Variants in FOXP1 observed in about 807,000 individuals in gnomAD.
FOXP1 encodes forkhead box protein P1.
A neutral mutation model predicts 98.2 loss-of-function variants in FOXP1; 15 were observed. That is an observed-to-expected ratio of 0.15 (90% CI 0.10 to 0.24). The LOEUF (loss-of-function observed/expected upper bound fraction) is 0.24. Ranked by LOEUF, FOXP1 falls within the 10% of genes least tolerant of loss-of-function variation. The pLI is 1.00. For synonymous variants in FOXP1, 371 were observed against 314.5 expected (o/e 1.18, Z -1.90); for missense variants, 633 against 848.5 (o/e 0.75, Z 3.15).
intron 3 of FOXP1, among the ~76,000 whole-genome samples, chr3:71,437,325 T>G (rs1211324521): frequency 6.6e-6 from 1 of 152,166 alleles, no homozygotes; most frequent in Non-Finnish European, 1.5e-5. Flanking sequence ...GAGGATCGCT[T>G]GAACCTGGGA....
intron 10 of FOXP1, among the ~76,000 whole-genome samples, chr3:71,043,386 C>A (rs1283458847): frequency 2.0e-5 from 3 of 152,156 alleles, no homozygotes; most frequent in African/African-American, 7.2e-5. Flanking sequence ...AAAGGTCACT[C>A]CACAACCCCA....
intron 2 of FOXP1, among the ~76,000 whole-genome samples, chr3:71,523,725 A>G (rs1402473889): frequency 6.6e-6 from 1 of 152,158 alleles, no homozygotes; most frequent in Non-Finnish European, 1.5e-5. Context: ...GTGAATGGGT[A>G]AAAGTGAGAT....
intron 3 of FOXP1, among the ~76,000 whole-genome samples, chr3:71,423,725 T>C (rs2083854129): frequency 6.6e-6 from 1 of 152,188 alleles, no homozygotes; most frequent in Admixed American, 6.5e-5. Context: ...CCAGGCACAC[T>C]GTATCTCCCA....
intron 20 of FOXP1, among the ~76,000 whole-genome samples, chr3:70,964,315 C>T (rs1329539166): frequency 1.3e-5 from 2 of 152,184 alleles, no homozygotes; most frequent in African/African-American, 2.4e-5. Context: ...AACAAATTAA[C>T]CCTGCAGTGA....
chr3:71,231,317 C>G (rs563202558), intron 5 of FOXP1, among the ~76,000 whole-genome samples: 74 of 152,244 alleles, frequency 4.9e-4, no homozygotes, highest in Middle Eastern at 3.4e-3. Context: ...TCTTGTTTTG[C>G]ATTCAAGAGA....
intron 5 of FOXP1, among the ~76,000 whole-genome samples, chr3:71,266,156 T>C (rs1225470858): frequency 6.6e-6 from 1 of 152,156 alleles, no homozygotes; most frequent in Non-Finnish European, 1.5e-5. Context: ...TCTGGAAATG[T>C]GACAGCCTTG....
Position 71,165,247 on chromosome 3 carries a change from T to TAAA in FOXP1, c.180+32952_180+32954dup, listed in dbSNP as rs34841115. On this transcript the variant is annotated intron_variant, in intron 6 of 20. Transcript: ENST00000649528. ...TACCAAATTGAAAGCTATTTTTTTG[T>TAAA]AAAAAAAAAAAAAAAAAAAATCAAA... Among the ~76,000 whole-genome samples, 301 of 136,520 alleles carry TAAA rather than the reference T, an allele frequency of 2.2e-3. 2 individuals are homozygous for TAAA. Among genetic ancestry groups the TAAA allele is most frequent in the East Asian group, 5.5e-3 (26 of 4,726 alleles). 89.6% of individuals were successfully genotyped at this position (136,520 alleles called of 152,430 possible).
At chr3:71,580,013 A>G (rs1467747936) in intron 2 of FOXP1, among the ~76,000 whole-genome samples, 2 of 152,094 alleles carry the variant, frequency 1.3e-5, no homozygotes, top group African/African-American at 4.8e-5. Flanking sequence ...CCATTTCTGC[A>G]TAAGTGAACA....
At chr3:71,203,128 C>T (rs1207538853) in intron 5 of FOXP1, among the ~76,000 whole-genome samples, 1 of 152,216 alleles carries the variant, frequency 6.6e-6, no homozygotes, top group Non-Finnish European at 1.5e-5. Context: ...CTTCCAGAAA[C>T]AAGACCAAAT....
intron 5 of FOXP1, among the ~76,000 whole-genome samples, chr3:71,244,503 GAA>G (rs59857852): frequency 1.4e-5 from 2 of 142,016 alleles, no homozygotes; most frequent in East Asian, 2.0e-4. Flanking sequence ...TTGAAAAAGG[GAA>G]AAAAAAAAAA....
At chr3:71,070,061 C>T (rs1576575386) in intron 7 of FOXP1, among the ~76,000 whole-genome samples, 1 of 152,210 alleles carries the variant, frequency 6.6e-6, no homozygotes, top group East Asian at 1.9e-4. Flanking sequence ...GGCAAGCCTG[C>T]CAGGATTAGG....
intron 11 of FOXP1, among the ~76,000 whole-genome samples, chr3:71,039,906 C>T (rs868838305): frequency 7.9e-5 from 12 of 152,148 alleles, no homozygotes; most frequent in Non-Finnish European, 1.6e-4. Context: ...CCATTCTATT[C>T]CTCTATCTAT....
intron 4 of FOXP1, among the ~76,000 whole-genome samples, chr3:71,308,062 G>A (rs945648357): frequency 6.6e-6 from 1 of 151,926 alleles, no homozygotes; most frequent in Non-Finnish European, 1.5e-5. Context: ...AGCTTTAGAT[G>A]CTGAGTGACA....
intron 1 of FOXP1, 79 bp from the exon 2 acceptor site, chr3:71,581,776 G>A (rs943746807): frequency 4.1e-6 from 4 of 985,772 alleles, no homozygotes; most frequent in Non-Finnish European, 4.8e-6. Context: ...GGGACGGGAC[G>A]GGTGAGTAGG....
At chr3:70,989,384 A>G (rs1213072345) in intron 13 of FOXP1, among the ~76,000 whole-genome samples, 13 of 152,104 alleles carry the variant, frequency 8.5e-5, no homozygotes, top group Admixed American at 3.9e-4. Context: ...CAGTGTTAGC[A>G]TTTATCTTTC....
intron 2 of FOXP1, among the ~76,000 whole-genome samples, chr3:71,566,397 TGC>T (rs1261213450): frequency 6.6e-6 from 1 of 152,158 alleles, no homozygotes. Context: ...CCAGACACCT[TGC>T]CAGGGAAAAA....
chr3:71,569,805 C>T (rs1467786234), intron 2 of FOXP1, among the ~76,000 whole-genome samples: 11 of 146,118 alleles, frequency 7.5e-5, no homozygotes, highest in South Asian at 2.1e-4. Flanking sequence ...TTTTTTGAGA[C>T]GGAGTCTCGC....
At chr3:71,191,163 T>C (rs2062957441) in intron 6 of FOXP1, among the ~76,000 whole-genome samples, 1 of 152,216 alleles carries the variant, frequency 6.6e-6, no homozygotes, top group Non-Finnish European at 1.5e-5. Flanking sequence ...GCACTAGTTG[T>C]TGATAAACGC....
chr3:71,260,439 C>G (rs1313944510), intron 5 of FOXP1, among the ~76,000 whole-genome samples: 1 of 152,076 alleles, frequency 6.6e-6, no homozygotes, highest in African/African-American at 2.4e-5. Flanking sequence ...GTGCTTTACA[C>G]TTTACGATGA....
Sources: gnomAD v4.1 joint callset for allele counts (sites outside exome capture counted in the v4.1 genomes callset) on GRCh38, gnomAD v4.1.1 for gene constraint, MANE v1.5 for transcripts, NCBI Gene and HGNC (gene_info 2026-07-23, HGNC 2026-07-21) for gene names.